ZFAND2B: variants seen among roughly 807,000 people sequenced by gnomAD.
ZFAND2B encodes AN1-type zinc finger protein 2B.
Under a neutral mutation model 38.2 loss-of-function variants are expected in ZFAND2B, and 27 were observed. The observed-to-expected ratio is 0.71, with a 90% CI of 0.52 to 0.97. The LOEUF is 0.97. Ranked by LOEUF, ZFAND2B falls within the 50% of genes least tolerant of loss-of-function variation. The pLI, the probability that ZFAND2B is intolerant of heterozygous loss-of-function variation, is 0.00. For synonymous variants in ZFAND2B, 111 were observed against 119.4 expected (o/e 0.93, Z 0.46); for missense variants, 303 against 331.5 (o/e 0.91, Z 0.67).
At chr2:219,208,546 C>T (rs751863958) in intron 6 of ZFAND2B, 26 bp from the exon 7 acceptor site, 14 of 1,614,214 alleles carry the variant, frequency 8.7e-6, no homozygotes, top group Admixed American at 3.3e-5. Flanking sequence ...AGTCCAAGGA[C>T]GCTGGTCTTC....
chr2:219,207,445 A>C, intron 2 of ZFAND2B, 24 bp downstream of exon 2: 1 of 1,604,714 alleles, frequency 6.2e-7, no homozygotes, highest in Non-Finnish European at 8.5e-7. Flanking sequence ...CCTCAGGGTG[A>C]AAGCAGGCAG....
chr2:219,207,072 C>A (rs774222443), intron 1 of ZFAND2B, 30 bp downstream of exon 1: 1 of 1,579,794 alleles, frequency 6.3e-7, no homozygotes, highest in East Asian at 2.3e-5. Context: ...GGGGGCGGGG[C>A]CCAGCGGACA....
At position 219,208,162 on chromosome 2, in the gene ZFAND2B, C is replaced by T. The variant is rs759085348; in HGVS notation, c.435-94C>T. 3.9e-4 allele frequency: 629 copies of T among 1,595,226 alleles called. 1 individual carries two copies. Among genetic ancestry groups the T allele is most frequent in the Non-Finnish European group, 5.1e-4 (593 of 1,165,320 alleles). On this transcript the variant is annotated intron_variant, in intron 4 of 8. Coordinates refer to ENST00000289528, the MANE Select transcript of ZFAND2B (RefSeq NM_138802.3). ...GTCGGCTAGGGGAGTCTTTTAGCTT[C>T]CTTTTCAAGTGCATGTTTTTCCAGA...
rs1033449299 is a variant in ZFAND2B at position 219,206,829 on chromosome 2, C to G, written c.-159C>G. ...GGGAGGAGCGGGCGCCGGGGGCCGG[C>G]TGGCGCGGGGGCTCCGGTAACCCGG... On this transcript the variant is annotated 5_prime_UTR_variant, in exon 1 of 9. Coordinates refer to ENST00000289528, the MANE Select transcript of ZFAND2B (RefSeq NM_138802.3). 8.2e-6 allele frequency: 6 copies of G among 734,288 alleles called. 1 individual carries two copies. The Admixed American group carries it at 2.1e-4, about 26-fold the overall frequency. The allele number at this position is 734,288 out of a possible 1,614,324, so 45.5% of individuals were successfully genotyped here. A position where few individuals can be genotyped will look rare whatever the true frequency, so the allele number is the denominator to read the frequency against.
chr2:219,207,870 T>G lies in ZFAND2B; in HGVS notation c.283-17T>G. 6.2e-7 allele frequency: 1 copy of G among 1,614,012 alleles called. No individual in the cohort carries two copies. The highest frequency in any genetic ancestry group is 8.5e-7 in the Non-Finnish European group (1 of 1,179,942). Reference sequence around the variant, plus strand: ...AATCAGAGTCTCAGCAGAGACAACCTTCTCACTTCACCTCAGATCTTCACC... The same window carrying G: ...AATCAGAGTCTCAGCAGAGACAACCGTCTCACTTCACCTCAGATCTTCACC... On this transcript the variant is annotated splice_polypyrimidine_tract_variant and intron_variant, in intron 3 of 8. Coordinates refer to ENST00000289528, the MANE Select transcript of ZFAND2B (RefSeq NM_138802.3).
chr2:219,206,783 T>G lies in ZFAND2B; in HGVS notation c.-205T>G. ...GACGCGCCAGCCCTGCGGGATGACG[T>G]CAGCGCGCCGCGCGCGCCGAGGGAG... On this transcript the variant is annotated 5_prime_UTR_variant, in exon 1 of 9. Transcript: ENST00000289528. 1 of 458,474 alleles carries G rather than the reference T, an allele frequency of 2.2e-6. No homozygotes were observed. Among genetic ancestry groups the G allele is most frequent in the Non-Finnish European group, 3.7e-6 (1 of 268,392 alleles). The allele number at this position is 458,474 out of a possible 1,614,324, so 28.4% of individuals were successfully genotyped here.
Position 219,207,754 on chromosome 2 carries a change from C to G in ZFAND2B, c.257C>G (p.Ser86Cys), listed in dbSNP as rs772647594. Residue 86 changes from serine (S) to cysteine (C), a missense_variant, in exon 3 of 9, where the codon TCT becomes TGT. Ser to Cys is a moderately radical substitution (Grantham distance 112). Transcript: ENST00000289528. The stretch of plus-strand genomic sequence containing the variant: ...GAGCACATTGACAGAGACTGTCGCT[C>G]TGATCCAGCACAGCAAAAACGTAAG... ...VGEHIDRDCRSDPAQQKRKIF... is the reference protein window; with the variant it reads ...VGEHIDRDCRCDPAQQKRKIF... The G allele has an allele frequency of 1.2e-6, 2 of 1,614,188 alleles. No homozygotes were observed. Among genetic ancestry groups the G allele is most frequent in the Admixed American group, 1.7e-5 (1 of 60,026 alleles).
chr2:219,209,524 G>C lies in ZFAND2B; in HGVS notation c.*218G>C, dbSNP rs1950546402. 1.4e-6 allele frequency: 1 copy of C among 710,918 alleles called. No homozygotes were observed. Among genetic ancestry groups the C allele is most frequent in the Non-Finnish European group, 2.6e-6 (1 of 383,798 alleles). 44.0% of individuals were successfully genotyped at this position (710,918 alleles called of 1,614,324 possible). A position where few individuals can be genotyped will look rare whatever the true frequency, so the allele number is the denominator to read the frequency against. On this transcript the variant is annotated 3_prime_UTR_variant, in exon 9 of 9. Coordinates refer to ENST00000289528, the MANE Select transcript of ZFAND2B (RefSeq NM_138802.3). ...TTCCCTGGTTGGGCCCTCAGTGGAT[G>C]CTGGCCAGGCCCTACTCTTAGCCCC...
At position 219,208,268 on chromosome 2, in the gene ZFAND2B, C is replaced by T. The variant is rs763764602; in HGVS notation, c.447C>T (p.Ile149=). The T allele has an allele frequency of 6.2e-7, 1 of 1,614,206 alleles. No homozygotes were observed. Among genetic ancestry groups the T allele is most frequent in the East Asian group, 2.2e-5 (1 of 44,890 alleles). The stretch of plus-strand genomic sequence containing the variant: ...CTCTTCCCTACAGACTTGCTGCCAT[C>T]TCCAGAGCACAAGCTGTGGCTTCTA... ...HPTSRAGLAA[I]SRAQAVASTS... The change falls in exon 5 of 9, where the codon ATC becomes ATT. Residue 149 remains isoleucine, a synonymous_variant. Coordinates refer to ENST00000289528, the MANE Select transcript of ZFAND2B (RefSeq NM_138802.3).
rs1228989024 is a variant in ZFAND2B at position 219,208,602 on chromosome 2, G to A, written c.619G>A (p.Glu207Lys). Residue 207 changes from glutamate (E) to lysine (K), a missense_variant, in exon 7 of 9, where the codon GAA becomes AAA. Physicochemically the swap from Glu to Lys is moderately conservative, Grantham distance 56. Coordinates refer to ENST00000289528, the MANE Select transcript of ZFAND2B (RefSeq NM_138802.3). ...GGATGAAGCTCTGCAGCGGGCCCTG[G>A]AAATGTCCCTGGCAGAAACCAAACC... is the stretch of plus-strand genomic sequence containing the variant. ...SEDEALQRAL[E>K]MSLAETKPQV... 6.2e-7 allele frequency: 1 copy of A among 1,614,086 alleles called. No homozygotes were observed. Among genetic ancestry groups the A allele is most frequent in the Admixed American group, 1.7e-5 (1 of 60,020 alleles).
At position 219,207,799 on chromosome 2, in the gene ZFAND2B, G is replaced by A. The variant is rs1199065785; in HGVS notation, c.282+20G>A. ...CGTAAGGTAAACATTGTAGGGGTCA[G>A]CCACAACCCAGCTGGGACTACGGAT... is the stretch of plus-strand genomic sequence containing the variant. On this transcript the variant is annotated intron_variant, in intron 3 of 8. Transcript: ENST00000289528. 2 of 1,613,840 alleles carry A rather than the reference G, an allele frequency of 1.2e-6. No homozygotes were observed. Among genetic ancestry groups the A allele is most frequent in the Non-Finnish European group, 1.7e-6 (2 of 1,179,848 alleles).
Position 219,209,444 on chromosome 2 carries a change from C to T in ZFAND2B, c.*138C>T, listed in dbSNP as rs760692687. 3.8e-6 allele frequency: 4 copies of T among 1,040,934 alleles called. No homozygotes were observed. The Admixed American group carries it at 8.0e-5, about 21-fold the overall frequency. 64.5% of individuals were successfully genotyped at this position (1,040,934 alleles called of 1,614,324 possible). A position where few individuals can be genotyped will look rare whatever the true frequency, so the allele number is the denominator to read the frequency against. On this transcript the variant is annotated 3_prime_UTR_variant, in exon 9 of 9. Coordinates refer to ENST00000289528, the MANE Select transcript of ZFAND2B (RefSeq NM_138802.3). ...GTGATGTGGAGGTCGCCCTGGGAGCCTCTGGAAGGCCTTGCTAGTGCTCCA... is the reference window on the plus strand; with the variant it reads ...GTGATGTGGAGGTCGCCCTGGGAGCTTCTGGAAGGCCTTGCTAGTGCTCCA...
At chr2:219,207,066 G>A (rs1457584856) in intron 1 of ZFAND2B, 24 bp downstream of exon 1, 2 of 1,582,488 alleles carry the variant, frequency 1.3e-6, no homozygotes, top group Non-Finnish European at 1.7e-6. Flanking sequence ...CGCGCGGGGG[G>A]CGGGGCCCAG....
Position 219,207,322 on chromosome 2 carries a change from T to A in ZFAND2B, c.56-5T>A, listed in dbSNP as rs1426285032. 1 of 1,613,846 alleles carries A rather than the reference T, an allele frequency of 6.2e-7. No individual in the cohort carries two copies. The highest frequency in any genetic ancestry group is 8.5e-7 in the Non-Finnish European group (1 of 1,179,830). On this transcript the variant is annotated splice_polypyrimidine_tract_variant and splice_region_variant and intron_variant, in intron 1 of 8. Coordinates refer to ENST00000289528, the MANE Select transcript of ZFAND2B (RefSeq NM_138802.3). ...TGGACCTGCAATCCGACCAACTCTT[T>A]GCAGATTTTCTGCCGCTTAAGTGTG...
intron 3 of ZFAND2B, 35 bp from the exon 4 acceptor site, chr2:219,207,852 G>A (rs1390763543): frequency 1.2e-6 from 2 of 1,613,778 alleles, no homozygotes; most frequent in African/African-American, 2.7e-5. Context: ...GCTAATCAGA[G>A]TCTCAGCAGA....
At position 219,208,966 on chromosome 2, in the gene ZFAND2B, C is replaced by A. The variant is rs370541142; in HGVS notation, c.657-11C>A. The A allele has an allele frequency of 6.2e-7, 1 of 1,613,916 alleles. No individual in the cohort carries two copies. The highest frequency in any genetic ancestry group is 8.5e-7 in the Non-Finnish European group (1 of 1,179,916). ...TACCATCATCCAACTTAAACTGTTTCTCCCTCCCAGTTGTCAGGAGGAAGA... is the reference window on the plus strand; with the variant it reads ...TACCATCATCCAACTTAAACTGTTTATCCCTCCCAGTTGTCAGGAGGAAGA... On this transcript the variant is annotated splice_polypyrimidine_tract_variant and intron_variant, in intron 7 of 8. Transcript: ENST00000289528.
Position 219,206,892 on chromosome 2 carries a change from C to A in ZFAND2B, c.-96C>A. ...AGAGGAAGGGGCGGGGCAGGGAGCCCGCCAGAGTGCGGGGTCGCGGTGCGG... is the reference window on the plus strand; with the variant it reads ...AGAGGAAGGGGCGGGGCAGGGAGCCAGCCAGAGTGCGGGGTCGCGGTGCGG... On this transcript the variant is annotated 5_prime_UTR_variant, in exon 1 of 9. Coordinates refer to ENST00000289528, the MANE Select transcript of ZFAND2B (RefSeq NM_138802.3). 1.5e-6 allele frequency: 2 copies of A among 1,372,688 alleles called. No individual in the cohort carries two copies. Among genetic ancestry groups the A allele is most frequent in the Non-Finnish European group, 2.0e-6 (2 of 998,604 alleles). The allele number at this position is 1,372,688 out of a possible 1,614,324, so 85.0% of individuals were successfully genotyped here.
chr2:219,207,574 T>C (rs1574802494), intron 2 of ZFAND2B, 74 bp from the exon 3 acceptor site: 2 of 1,602,340 alleles, frequency 1.2e-6, no homozygotes, highest in Middle Eastern at 1.7e-4. Context: ...GTGGGTCATA[T>C]CCAAGTTCTT....
chr2:219,207,326 G>T lies in ZFAND2B; in HGVS notation c.56-1G>T, dbSNP rs1172089541. 2 of 1,614,012 alleles carry T rather than the reference G, an allele frequency of 1.2e-6. No homozygotes were observed. The highest frequency in any genetic ancestry group is 1.7e-5 in the Admixed American group (1 of 60,020). ...CCTGCAATCCGACCAACTCTTTGCA[G>T]ATTTTCTGCCGCTTAAGTGTGATGC... On this transcript the variant is annotated splice_acceptor_variant, in intron 1 of 8. Transcript: ENST00000289528. LOFTEE classifies it high-confidence loss of function.
Sources: allele counts gnomAD v4.1 joint callset, GRCh38; gene constraint gnomAD v4.1.1; transcripts MANE v1.5; gene names NCBI Gene and HGNC (gene_info 2026-07-23, HGNC 2026-07-21).